The following SVEP1 variants were observed in gnomAD, a reference collection of about 807,000 sequenced individuals.
The protein encoded by SVEP1 is sushi, von Willebrand factor type A, EGF and pentraxin domain-containing protein 1.
In SVEP1, 164 loss-of-function variants were observed where a neutral mutation model predicts 367.3. The ratio of observed to expected loss-of-function variants is 0.45; its 90% CI spans 0.39 to 0.51. SVEP1 has a LOEUF of 0.51. Ranked by LOEUF, SVEP1 falls within the 20% of genes least tolerant of loss-of-function variation. The probability of loss-of-function intolerance (pLI) is 0.00; values close to 1 mark genes in which losing one functional copy is unlikely to be tolerated. For missense variants in SVEP1, 4,117 were observed against 4,425.3 expected, an observed-to-expected ratio of 0.93 and a Z score of 1.98; for synonymous variants, 1,666 against 1,611.6, an observed-to-expected ratio of 1.03 and a Z score of -0.81.
At chr9:110,424,590 A>C (rs1249994209) in intron 36 of SVEP1, among the ~76,000 whole-genome samples, 1 of 152,244 alleles carries the variant, frequency 6.6e-6, no homozygotes, top group Non-Finnish European at 1.5e-5. Context: ...TAAGGTAATG[A>C]TGACAAGAAT....
Position 110,549,967 on chromosome 9 carries a change from T to C in SVEP1, c.669A>G (p.Ile223Met), listed in dbSNP as rs1274506797. ...TCAGCTCTCGAATGTTCCCTTGCCA[T>C]ATGCCAAAAGTGAAGATCTCCACTC... ...DSGVEIFTFG[I>M]WQGNIRELND... Residue 223 changes from isoleucine (I) to methionine (M), a missense_variant, in exon 2 of 48, where the codon ATA (isoleucine) becomes ATG (methionine). Transcript: ENST00000374469. 1.2e-6 allele frequency: 2 copies of C among 1,613,894 alleles called. No homozygotes were observed. Among genetic ancestry groups the C allele is most frequent in the Admixed American group, 3.3e-5 (2 of 60,008 alleles).
chr9:110,461,969 A>G (rs1828864976), intron 18 of SVEP1, among the ~76,000 whole-genome samples: 2 of 152,120 alleles, frequency 1.3e-5, no homozygotes, highest in African/African-American at 4.8e-5. Flanking sequence ...AGTTTCCGAG[A>G]GTGACTGCCT....
chr9:110,462,154 C>T (rs982467335), intron 18 of SVEP1, among the ~76,000 whole-genome samples: 2 of 151,968 alleles, frequency 1.3e-5, no homozygotes, highest in Non-Finnish European at 1.5e-5. Context: ...ACTTTTTTTA[C>T]ATATAATTTT....
intron 40 of SVEP1, among the ~76,000 whole-genome samples, chr9:110,393,900 A>C (rs2148878): frequency 0.66 from 99,885 of 152,180 alleles, 32,864 homozygotes; most frequent in Middle Eastern, 0.78. Context: ...TCAAGGAGGC[A>C]TGCCTGCCTC....
chr9:110,560,265 A>G lies in SVEP1; in HGVS notation c.532-10161T>C, dbSNP rs375840237. Among the ~76,000 whole-genome samples, 255 of 152,342 alleles carry G rather than the reference A, an allele frequency of 1.7e-3. 1 individual carries two copies. Among genetic ancestry groups the G allele is most frequent in the African/African-American group, 5.8e-3 (243 of 41,580 alleles). On this transcript the variant is annotated intron_variant, in intron 1 of 47. Transcript: ENST00000374469. ...GCTATTCCATATAGCCTAGGTGATTAGTAGGCTATACCACCCAGGTTTTTG... is the reference window on the plus strand; with the variant it reads ...GCTATTCCATATAGCCTAGGTGATTGGTAGGCTATACCACCCAGGTTTTTG...
At chr9:110,541,957 T>C (rs1025539389) in intron 3 of SVEP1, among the ~76,000 whole-genome samples, 40 of 150,778 alleles carry the variant, frequency 2.7e-4, no homozygotes, top group African/African-American at 9.5e-4. Context: ...TCTATGTACA[T>C]AGACATGCAT....
At chr9:110,423,168 T>TAAAAAAAAAAAAAGAAAAAAAAA (rs1828194925) in intron 36 of SVEP1, among the ~76,000 whole-genome samples, 1 of 103,650 alleles carries the variant, frequency 9.6e-6, no homozygotes, top group East Asian at 2.5e-4. Context: ...AAAAATAAAG[T>TAAAAAAAAAAAAAGAAAAAAAAA]AAAAAAAAAA....
At chr9:110,495,730 A>G (rs1013041413) in intron 8 of SVEP1, among the ~76,000 whole-genome samples, 5 of 152,230 alleles carry the variant, frequency 3.3e-5, no homozygotes, top group Admixed American at 3.3e-4. Context: ...CCATGTACAT[A>G]TAAGAGGAAG....
At chr9:110,461,472 G>C (rs1489213594) in intron 18 of SVEP1, among the ~76,000 whole-genome samples, 1 of 152,114 alleles carries the variant, frequency 6.6e-6, no homozygotes, top group African/African-American at 2.4e-5. Flanking sequence ...TTTAGGGTTT[G>C]GTGTCCTTAC....
chr9:110,462,123 C>G (rs1286308926), intron 18 of SVEP1, among the ~76,000 whole-genome samples: 1 of 151,644 alleles, frequency 6.6e-6, no homozygotes, highest in Non-Finnish European at 1.5e-5. Flanking sequence ...CAGTAAAACT[C>G]AAGATGCTAT....
At chr9:110,514,224 G>A in intron 3 of SVEP1, 118 bp from the exon 4 acceptor site, 1 of 1,361,682 alleles carries the variant, frequency 7.3e-7, no homozygotes, top group East Asian at 2.5e-5. Context: ...TAGAAATGGT[G>A]ATGTAGGCTG....
chr9:110,433,718 G>T (rs372842891), intron 30 of SVEP1, among the ~76,000 whole-genome samples: 2 of 151,980 alleles, frequency 1.3e-5, no homozygotes, highest in South Asian at 4.1e-4. Flanking sequence ...CGATCCGCCC[G>T]TCTTGGCCTC....
At chr9:110,562,399 T>C (rs1282593184) in intron 1 of SVEP1, among the ~76,000 whole-genome samples, 8 of 152,168 alleles carry the variant, frequency 5.3e-5, no homozygotes, top group Non-Finnish European at 1.0e-4. Context: ...TAAATTCCTA[T>C]ACAATATGAT....
At chr9:110,524,015 T>C (rs1829910585) in intron 3 of SVEP1, among the ~76,000 whole-genome samples, 1 of 152,080 alleles carries the variant, frequency 6.6e-6, no homozygotes, top group African/African-American at 2.4e-5. Context: ...AAAGATACTA[T>C]ATACTATGCA....
At chr9:110,458,333 A>G in intron 20 of SVEP1, 138 bp downstream of exon 20, 1 of 727,228 alleles carries the variant, frequency 1.4e-6, no homozygotes, top group Non-Finnish European at 2.3e-6. Context: ...TTGTAAATAC[A>G]ATTATTCATT....
chr9:110,424,265 TAG>T (rs796246185), intron 36 of SVEP1, among the ~76,000 whole-genome samples: 6 of 152,334 alleles, frequency 3.9e-5, no homozygotes, highest in African/African-American at 1.4e-4. Flanking sequence ...GATGGTAATT[TAG>T]AGATAGCTCG....
chr9:110,385,874 A>G, intron 43 of SVEP1, 24 bp downstream of exon 43: 1 of 1,605,652 alleles, frequency 6.2e-7, no homozygotes, highest in African/African-American at 1.3e-5. Flanking sequence ...AGCGGCATGA[A>G]CTGGCTTCCG....
chr9:110,494,003 T>C (rs1829409337), intron 8 of SVEP1, among the ~76,000 whole-genome samples: 2 of 152,162 alleles, frequency 1.3e-5, no homozygotes, highest in South Asian at 4.1e-4. Flanking sequence ...AATCCTTCTG[T>C]TATAGCATCG....
chr9:110,406,689 T>C lies in SVEP1; in HGVS notation c.8911A>G (p.Ile2971Val). 2.5e-6 allele frequency: 4 copies of C among 1,614,024 alleles called. No individual in the cohort carries two copies. The highest frequency in any genetic ancestry group is 1.6e-4 in the Middle Eastern group (1 of 6,062). Residue 2971 changes from isoleucine (I) to valine (V), a missense_variant, in exon 38 of 48, where the codon ATA (isoleucine) becomes GTA (valine). This residue lies in a region of SVEP1 where 1,765 missense variants were observed against 1,781.1 expected (regional missense o/e 0.99). Coordinates refer to ENST00000374469, the MANE Select transcript of SVEP1 (RefSeq NM_153366.4). ...NGFSFIHGGH[I>V]QYQCFPGYKL... is the part of the protein sequence containing the mutation. ...TAACCAGGAAAGCACTGATACTGTA[T>C]ATGGCCCCCATGAATAAAGGAAAAA...
Sources: gnomAD v4.1 joint callset for allele counts (sites outside exome capture counted in the v4.1 genomes callset) on GRCh38, gnomAD v4.1.1 for gene constraint, gnomAD v4.1.1 regional missense constraint, MANE v1.5 for transcripts, NCBI Gene and HGNC (gene_info 2026-07-23, HGNC 2026-07-21) for gene names.